The following BRI3 variants were observed in gnomAD, a reference collection of about 807,000 sequenced individuals.
BRI3 encodes the protein membrane protein BRI3.
In BRI3, 6 loss-of-function variants were observed where a neutral mutation model predicts 12.8. The observed-to-expected ratio is 0.47, with a 90% confidence interval of 0.26 to 0.93. The LOEUF is 0.93. BRI3 is among the 40% of genes least tolerant of loss of function. BRI3 has a pLI of 0.15. For missense variants in BRI3, 134 were observed against 171.1 expected (o/e 0.78, Z 1.21); for synonymous variants, 91 against 76.1 (o/e 1.20, Z -1.02).
chr7:98,318,760 T>C, the BRI3 span, among the ~76,000 whole-genome samples: 48 of 150,994 alleles, frequency 3.2e-4, no homozygotes, highest in African/African-American at 1.1e-3. Context: ...CTGGCTAAAA[T>C]GGTGAAACCC....
exon 2 of BRI3, chr7:98,310,336 T>C (rs916497627): frequency 9.5e-6 from 12 of 1,264,188 alleles, no homozygotes; most frequent in African/African-American, 1.6e-5. Flanking sequence ...CCATACCTGC[T>C]TGTTTACCTC....
chr7:98,312,754 G>C (rs1800918271), downstream of BRI3, among the ~76,000 whole-genome samples: 1 of 52,490 alleles, frequency 1.9e-5, no homozygotes, highest in South Asian at 4.3e-4. Context: ...ATGGGGAAGA[G>C]GGACTGGGTG....
At chr7:98,308,152 A>T (rs1314947837) in exon 2 of BRI3, 3 of 620,858 alleles carry the variant, frequency 4.8e-6, no homozygotes, top group Non-Finnish European at 9.0e-6. Context: ...GCTCTTTTCC[A>T]GGCCCAAGGA....
At chr7:98,314,070 C>T (rs1020578393), downstream of BRI3, among the ~76,000 whole-genome samples, 1 of 147,196 alleles carries the variant, frequency 6.8e-6, no homozygotes. Flanking sequence ...ACTGCAACCT[C>T]AGCCTCCTGG....
At chr7:98,323,405 A>G in the BRI3 span, 8 of 152,232 alleles carry the variant, frequency 5.3e-5, no homozygotes, top group African/African-American at 1.9e-4. Context: ...CTTAAAATAC[A>G]TAAATAAATA....
At chr7:98,285,874 G>A (rs897377473) in intron 2 of BRI3, among the ~76,000 whole-genome samples, 4 of 152,206 alleles carry the variant, frequency 2.6e-5, no homozygotes, top group African/African-American at 9.6e-5. Flanking sequence ...CCTGCGCTGA[G>A]CATGGCTTCA....
intron 2 of BRI3, among the ~76,000 whole-genome samples, chr7:98,288,881 G>A (rs1363784279): frequency 2.6e-5 from 4 of 151,796 alleles, no homozygotes; most frequent in African/African-American, 7.3e-5. Flanking sequence ...CGTGAGCCAC[G>A]GTGTCCTACT....
exon 2 of BRI3, chr7:98,309,799 CTG>C (rs1800803308): frequency 6.6e-6 from 1 of 151,576 alleles, no homozygotes; most frequent in Non-Finnish European, 1.5e-5. Context: ...GTGCTAAAGA[CTG>C]TGCAGAAGGA....
At chr7:98,322,966 G>A in the BRI3 span, 1 of 152,198 alleles carries the variant, frequency 6.6e-6, no homozygotes, top group South Asian at 2.1e-4. Context: ...GAACTTGCAG[G>A]GCTTGTGACA....
At chr7:98,282,596 C>G (rs762397497) in intron 2 of BRI3, 143 bp downstream of exon 2, 1 of 680,362 alleles carries the variant, frequency 1.5e-6, no homozygotes, top group Non-Finnish European at 2.5e-6. Context: ...GAGGGACAGA[C>G]AGGCTGCCCG....
chr7:98,296,096 C>G (rs1800178543), downstream of BRI3, among the ~76,000 whole-genome samples: 1 of 152,142 alleles, frequency 6.6e-6, no homozygotes, highest in African/African-American at 2.4e-5. Flanking sequence ...AGCTTCTGTG[C>G]AGACAGCAGG....
chr7:98,289,688 C>T lies in BRI3; in HGVS notation c.246-1423C>T, dbSNP rs372956646. On this transcript the variant is annotated intron_variant, in intron 2 of 2. Coordinates refer to ENST00000297290, the MANE Select transcript of BRI3 (RefSeq NM_015379.5). ...GCCCCCAGGAGGCCCAGAAGGAGCC[C>T]GTTGGGGTCTGCCTGTCTGGTGGGA... Among the ~76,000 whole-genome samples, 14 of 152,182 alleles carry T rather than the reference C, an allele frequency of 9.2e-5. No individual in the cohort carries two copies. In the East Asian group the frequency reaches 1.7e-3, roughly 19 times the overall value.
intron 2 of BRI3, 152 bp from the exon 3 acceptor site, chr7:98,290,959 G>T (rs1179708300): frequency 1.0e-5 from 8 of 801,470 alleles, no homozygotes; most frequent in East Asian, 2.6e-5. Flanking sequence ...GTAGCTGGGT[G>T]GTGGGGTGGG....
intron 2 of BRI3, among the ~76,000 whole-genome samples, chr7:98,290,673 ATTG>A (rs1406054737): frequency 1.3e-5 from 2 of 150,904 alleles, no homozygotes; most frequent in African/African-American, 2.4e-5. Flanking sequence ...AGATTTTTGT[ATTG>A]TTAGTAGAGA....
exon 2 of BRI3, chr7:98,307,698 A>G: frequency 6.2e-7 from 1 of 1,614,042 alleles, no homozygotes; most frequent in Non-Finnish European, 8.5e-7. Flanking sequence ...CGCCTTGGAC[A>G]CGTCGTGTTC....
chr7:98,301,596 C>T (rs530957460), upstream of BRI3, among the ~76,000 whole-genome samples: 278 of 151,880 alleles, frequency 1.8e-3, 2 homozygotes, highest in Non-Finnish European at 2.3e-3. Flanking sequence ...GGATTACAGG[C>T]GTGAGCCACC....
chr7:98,315,048 T>C (rs977645408), downstream of BRI3, among the ~76,000 whole-genome samples: 2 of 152,256 alleles, frequency 1.3e-5, no homozygotes, highest in Non-Finnish European at 2.9e-5. Context: ...TGGAATCTTT[T>C]CATTGGCAAA....
At chr7:98,293,950 G>T, downstream of BRI3, 1 of 1,140,642 alleles carries the variant, frequency 8.8e-7, no homozygotes, top group Non-Finnish European at 1.3e-6. Flanking sequence ...CTCCCCCATG[G>T]CTCCACAGGC....
chr7:98,304,618 G>T (rs1288657444), upstream of BRI3, among the ~76,000 whole-genome samples: 3 of 152,236 alleles, frequency 2.0e-5, no homozygotes, highest in Middle Eastern at 3.4e-3. Flanking sequence ...CATGATGTCA[G>T]CTCACTGCAA....
Sources: gnomAD v4.1 joint callset for allele counts (sites outside exome capture counted in the v4.1 genomes callset) on GRCh38, gnomAD v4.1.1 for gene constraint, MANE v1.5 for transcripts, NCBI Gene and HGNC (gene_info 2026-07-23, HGNC 2026-07-21) for gene names.